Variants in DNAJC21 observed in about 807,000 individuals in gnomAD.
The protein encoded by DNAJC21 is dnaJ homolog subfamily C member 21.
In DNAJC21, 63 loss-of-function variants were observed where a neutral mutation model predicts 72.4. The ratio of observed to expected loss-of-function variants is 0.87; its 90% confidence interval spans 0.71 to 1.07. The LOEUF is 1.07. Ranked by LOEUF, DNAJC21 falls within the 50% of genes least tolerant of loss-of-function variation. The probability of loss-of-function intolerance (pLI) is 0.00; values close to 1 mark genes in which losing one functional copy is unlikely to be tolerated. For synonymous variants in DNAJC21, 203 were observed against 216.7 expected, an observed-to-expected ratio of 0.94 and a Z score of 0.56; for missense variants, 634 against 644.8, an observed-to-expected ratio of 0.98 and a Z score of 0.18.
intron 10 of DNAJC21, 26 bp from the exon 11 acceptor site, chr5:34,953,900 A>G (rs1359186766): frequency 1.3e-6 from 2 of 1,577,890 alleles, no homozygotes; most frequent in South Asian, 2.3e-5. Context: ...TTATTTTTGG[A>G]TTATGCTGAA....
At chr5:34,945,190 C>T (rs538800457) in intron 8 of DNAJC21, among the ~76,000 whole-genome samples, 165 bp downstream of exon 8, 1 of 152,068 alleles carries the variant, frequency 6.6e-6, no homozygotes, top group East Asian at 1.9e-4. Flanking sequence ...TGATTCTCCT[C>T]CCTCAGCCTC....
In DNAJC21 at chr5:34,957,974, A is replaced by T. The variant is rs1385044625; in HGVS notation, c.*3260A>T. The T allele has an allele frequency of 6.6e-6, 1 of 152,150 alleles. No homozygotes were observed. Among genetic ancestry groups the T allele is most frequent in the Non-Finnish European group, 1.5e-5 (1 of 68,032 alleles). The allele number at this position is 152,150 out of a possible 1,614,324, so 9.4% of individuals were successfully genotyped here. On this transcript the variant is annotated 3_prime_UTR_variant, in exon 12 of 12. Coordinates refer to ENST00000648817, the MANE Select transcript of DNAJC21 (RefSeq NM_001012339.3). ...TAAAAATATAGGCTCTTGGGATTGG[A>T]GAGGAAAAATTAGAGGTGATTTTCA...
At chr5:34,932,419 C>CAAAAAAA (rs769907634) in intron 1 of DNAJC21, among the ~76,000 whole-genome samples, 1 of 65,678 alleles carries the variant, frequency 1.5e-5, no homozygotes. Flanking sequence ...GACTCCATCT[C>CAAAAAAA]AAAAAAAAAA....
At chr5:34,944,121 G>C (rs1580534119) in intron 7 of DNAJC21, among the ~76,000 whole-genome samples, 1 of 152,218 alleles carries the variant, frequency 6.6e-6, no homozygotes. Flanking sequence ...AACTCTTGTA[G>C]CTTATGTTGT....
In DNAJC21 at chr5:34,931,609, A is replaced by C. The variant is rs1235346190; in HGVS notation, c.97+1693A>C. On this transcript the variant is annotated intron_variant, in intron 1 of 11. Transcript: ENST00000648817. ...GATTGTATTTCTTGTAATCTTGAAT[A>C]TTAGCCCAAGGACTGTGAAATTTGC... Among the ~76,000 whole-genome samples, 1,221 of 152,346 alleles carry C rather than the reference A, an allele frequency of 8.0e-3. 12 individuals carry two copies. Among genetic ancestry groups the C allele is most frequent in the African/African-American group, 0.028 (1,181 of 41,572 alleles).
rs762260783 is a variant in DNAJC21, at chr5:34,933,823, C to G, written c.106C>G (p.Leu36Val). The change falls in exon 2 of 12, where the codon CTG becomes GTG. Residue 36 changes from leucine to valine, a missense_variant. Physicochemically the swap from Leu to Val is conservative, Grantham distance 32 (BLOSUM62 1). Coordinates refer to ENST00000648817, the MANE Select transcript of DNAJC21 (RefSeq NM_001012339.3). ...TTCTGTGACTTTAACAGATAAAAAT[C>G]TGGATAATGCCGCAGAAGCAGCTGA... ...LALKWHPDKN[L>V]DNAAEAAEQF... 6.2e-7 allele frequency: 1 copy of G among 1,613,306 alleles called. No homozygotes were observed. Among genetic ancestry groups the G allele is most frequent in the South Asian group, 1.1e-5 (1 of 90,992 alleles).
At chr5:34,945,930 G>A (rs1257628607) in intron 9 of DNAJC21, 127 bp downstream of exon 9, 2 of 637,740 alleles carry the variant, frequency 3.1e-6, no homozygotes, top group Admixed American at 3.1e-5. Flanking sequence ...TTGTAAGATT[G>A]ATTAAAAAGG....
At position 34,941,673 on chromosome 5, in the gene DNAJC21, T is replaced by G. The variant is rs763872750; in HGVS notation, c.983+490T>G. Among the ~76,000 whole-genome samples the G allele has an allele frequency of 3.0e-3, 447 of 150,878 alleles. 3 individuals carry two copies. Among genetic ancestry groups the G allele is most frequent in the Non-Finnish European group, 1.6e-3 (110 of 67,738 alleles). Reference sequence around the variant, plus strand: ...CCTCCACCTCCTGGATTCAAGCGATTCTCCTGCCTCAAGCTCCCGAGTAGC... The same window carrying G: ...CCTCCACCTCCTGGATTCAAGCGATGCTCCTGCCTCAAGCTCCCGAGTAGC... On this transcript the variant is annotated intron_variant, in intron 7 of 11. Transcript: ENST00000648817.
chr5:34,934,385 C>T (rs114965162), intron 2 of DNAJC21, among the ~76,000 whole-genome samples: 2,425 of 151,198 alleles, frequency 0.016, 70 homozygotes, highest in African/African-American at 0.056. Flanking sequence ...TGTGCCACCA[C>T]ACACCTGTAT....
chr5:34,936,816 C>G (rs948339803), intron 4 of DNAJC21, among the ~76,000 whole-genome samples: 4 of 152,092 alleles, frequency 2.6e-5, no homozygotes, highest in Non-Finnish European at 4.4e-5. Context: ...ATTGGCACCA[C>G]CTCAGCTCAC....
intron 6 of DNAJC21, among the ~76,000 whole-genome samples, chr5:34,940,099 A>T (rs1281907308): frequency 6.6e-6 from 1 of 152,186 alleles, no homozygotes; most frequent in Non-Finnish European, 1.5e-5. Flanking sequence ...AATCCCCCTT[A>T]CATGGAGGTT....
chr5:34,945,336 C>T (rs1765138973), intron 8 of DNAJC21, among the ~76,000 whole-genome samples: 1 of 152,172 alleles, frequency 6.6e-6, no homozygotes, highest in Non-Finnish European at 1.5e-5. Flanking sequence ...CCTCAGCCTC[C>T]CAGAGTGCTG....
intron 4 of DNAJC21, 49 bp from the exon 5 acceptor site, chr5:34,937,277 A>G (rs184878146): frequency 1.3e-5 from 18 of 1,431,468 alleles, no homozygotes; most frequent in Non-Finnish European, 1.7e-5. Context: ...CTGCTTTTCT[A>G]AAAAAAAATC....
Position 34,948,137 on chromosome 5 carries a change from GAGA to G in DNAJC21, c.1186-2025_1186-2023del, listed in dbSNP as rs560621919. On this transcript the variant is annotated intron_variant, in intron 9 of 11. Transcript: ENST00000648817. Reference sequence around the variant, plus strand: ...AAATACAAATATAAATTGAGGAAAAGAGAAGAAGAATACTGTAGAGTTGGATTG... The same window carrying G: ...AAATACAAATATAAATTGAGGAAAAGAGAAGAATACTGTAGAGTTGGATTG... Among the ~76,000 whole-genome samples, 131 of 152,316 alleles carry G rather than the reference GAGA, an allele frequency of 8.6e-4. 1 individual carries two copies. Among genetic ancestry groups the G allele is most frequent in the East Asian group, 4.8e-3 (25 of 5,186 alleles).
At chr5:34,942,591 A>C (rs769381263) in intron 7 of DNAJC21, among the ~76,000 whole-genome samples, 4 of 152,176 alleles carry the variant, frequency 2.6e-5, no homozygotes, top group Non-Finnish European at 5.9e-5. Context: ...GACACACTTA[A>C]AGGTAAATTG....
Position 34,954,867 on chromosome 5 carries a change from A to G in DNAJC21, c.*153A>G. 1.1e-6 allele frequency: 1 copy of G among 930,404 alleles called. No individual in the cohort carries two copies. The allele number at this position is 930,404 out of a possible 1,614,324, so 57.6% of individuals were successfully genotyped here. A position where few individuals can be genotyped will look rare whatever the true frequency, so the allele number is the denominator to read the frequency against. ...CTTGTAAAAACACTTTTTTGGTTTAATATATATTTTTAAAACATTTCACTA... is the reference window on the plus strand; with the variant it reads ...CTTGTAAAAACACTTTTTTGGTTTAGTATATATTTTTAAAACATTTCACTA... On this transcript the variant is annotated 3_prime_UTR_variant, in exon 12 of 12. Coordinates refer to ENST00000648817, the MANE Select transcript of DNAJC21 (RefSeq NM_001012339.3).
chr5:34,954,522 A>T (rs748103213), intron 11 of DNAJC21, 31 bp from the exon 12 acceptor site: 15 of 1,572,928 alleles, frequency 9.5e-6, no homozygotes, highest in African/African-American at 1.4e-5. Flanking sequence ...GATAACGCTT[A>T]CTTTTATTTA....
At chr5:34,945,374 G>A (rs1447903463) in intron 8 of DNAJC21, among the ~76,000 whole-genome samples, 2 of 152,096 alleles carry the variant, frequency 1.3e-5, no homozygotes, top group East Asian at 1.9e-4. Flanking sequence ...CACTGCGCCC[G>A]GCCTTAAAGG....
intron 7 of DNAJC21, among the ~76,000 whole-genome samples, chr5:34,944,454 C>T (rs1765104753): frequency 6.6e-6 from 1 of 152,160 alleles, no homozygotes; most frequent in Non-Finnish European, 1.5e-5. Context: ...AAACACTTAG[C>T]AAATACTTAG....
Sources: gnomAD v4.1 joint callset for allele counts (sites outside exome capture counted in the v4.1 genomes callset) on GRCh38, gnomAD v4.1.1 for gene constraint, MANE v1.5 for transcripts, NCBI Gene and HGNC (gene_info 2026-07-23, HGNC 2026-07-21) for gene names.